Variants in CHL1 observed in about 807,000 individuals in gnomAD.
CHL1 encodes the protein neural cell adhesion molecule L1-like protein.
In CHL1, 96 loss-of-function variants were observed where a neutral mutation model predicts 141.9. The observed-to-expected ratio is 0.68, with a 90% CI of 0.57 to 0.80. CHL1 has a LOEUF of 0.80. Ranked by LOEUF, CHL1 falls within the 30% of genes least tolerant of loss-of-function variation. CHL1 has a pLI of 0.00. For synonymous variants in CHL1, 613 were observed against 502.2 expected, an observed-to-expected ratio of 1.22 and a Z score of -2.95; for missense variants, 1,820 against 1,457.2, an observed-to-expected ratio of 1.25 and a Z score of -4.05.
At chr3:339,283 T>C (rs1575108982) in intron 5 of CHL1, among the ~76,000 whole-genome samples, 1 of 152,332 alleles carries the variant, frequency 6.6e-6, no homozygotes, top group Admixed American at 6.5e-5. Context: ...ATGTTTTCCA[T>C]AGCATTTGAT....
chr3:298,608 G>C (rs1167195900), intron 2 of CHL1, among the ~76,000 whole-genome samples: 1 of 152,316 alleles, frequency 6.6e-6, no homozygotes, highest in East Asian at 1.9e-4. Flanking sequence ...GATAGGGACT[G>C]TCTCTAAATG....
chr3:385,639 A>C (rs760832422), intron 19 of CHL1: 2 of 152,170 alleles, frequency 1.3e-5, no homozygotes, highest in African/African-American at 4.8e-5. Context: ...ACCAGCCTGG[A>C]CAATATGGTG....
chr3:198,600 A>G (rs1698626644), intron 1 of CHL1, among the ~76,000 whole-genome samples: 1 of 152,222 alleles, frequency 6.6e-6, no homozygotes, highest in African/African-American at 2.4e-5. Context: ...CAAGACTGGA[A>G]TGAGATGATA....
chr3:231,169 C>T (rs530679888), intron 1 of CHL1, among the ~76,000 whole-genome samples: 1 of 152,222 alleles, frequency 6.6e-6, no homozygotes, highest in East Asian at 1.9e-4. Flanking sequence ...AAATATCTAC[C>T]TTTCAAATTC....
At chr3:380,272 C>T (rs1369279626) in intron 16 of CHL1, among the ~76,000 whole-genome samples, 1 of 152,192 alleles carries the variant, frequency 6.6e-6, no homozygotes, top group African/African-American at 2.4e-5. Context: ...AACATGTTCT[C>T]TCTTCTGAAT....
chr3:341,810 G>C, intron 6 of CHL1, 102 bp from the exon 7 acceptor site: 1 of 1,047,258 alleles, frequency 9.5e-7, no homozygotes, highest in Admixed American at 3.0e-5. Flanking sequence ...AGAGCAAACA[G>C]GAAAAACCAA....
intron 2 of CHL1, among the ~76,000 whole-genome samples, chr3:315,998 T>C (rs1468279895): frequency 2.0e-5 from 3 of 151,982 alleles, no homozygotes; most frequent in African/African-American, 4.8e-5. Flanking sequence ...GGTGTCTGAT[T>C]TATGCAGGGC....
At chr3:203,871 T>A (rs1699173891) in intron 1 of CHL1, among the ~76,000 whole-genome samples, 1 of 152,176 alleles carries the variant, frequency 6.6e-6, no homozygotes, top group Non-Finnish European at 1.5e-5. Context: ...AGAAAAGGGA[T>A]CTGAATCTGG....
chr3:266,438 G>T (rs947537693), intron 2 of CHL1, among the ~76,000 whole-genome samples: 2 of 152,146 alleles, frequency 1.3e-5, no homozygotes, highest in Admixed American at 6.5e-5. Context: ...TGCACAACAG[G>T]CATCATGTTC....
chr3:395,554 A>G (rs1708603023), intron 24 of CHL1, among the ~76,000 whole-genome samples: 1 of 152,228 alleles, frequency 6.6e-6, no homozygotes, highest in Non-Finnish European at 1.5e-5. Flanking sequence ...GGTCAGAGGA[A>G]CTGATGTACA....
chr3:297,375 T>C (rs332481), intron 2 of CHL1, among the ~76,000 whole-genome samples: 79,865 of 151,992 alleles, frequency 0.53, 22,087 homozygotes, highest in South Asian at 0.71. Flanking sequence ...GCTATTATTA[T>C]TGGTATTATT....
intron 2 of CHL1, among the ~76,000 whole-genome samples, chr3:245,186 G>C (rs771925188): frequency 2.8e-4 from 43 of 152,040 alleles, no homozygotes; most frequent in Non-Finnish European, 6.0e-4. Flanking sequence ...AATCTGACCT[G>C]AATCCTTGAT....
intron 2 of CHL1, among the ~76,000 whole-genome samples, chr3:282,107 T>C (rs1696714030): frequency 6.6e-6 from 1 of 152,222 alleles, no homozygotes; most frequent in African/African-American, 2.4e-5. Flanking sequence ...AAATATTGTC[T>C]GGCATGCCAT....
intron 5 of CHL1, 50 bp from the exon 6 acceptor site, chr3:340,744 T>C: frequency 7.1e-7 from 1 of 1,414,450 alleles, no homozygotes; most frequent in Non-Finnish European, 9.8e-7. Flanking sequence ...TTTGTTGTTA[T>C]AGTCAAAGTT....
chr3:286,470 G>C (rs1486339953), intron 2 of CHL1, among the ~76,000 whole-genome samples: 1 of 151,958 alleles, frequency 6.6e-6, no homozygotes, highest in East Asian at 1.9e-4. Flanking sequence ...AATTAGCCAG[G>C]CATGGTGACG....
chr3:300,490 T>G (rs1370321016), intron 2 of CHL1, among the ~76,000 whole-genome samples: 1 of 152,196 alleles, frequency 6.6e-6, no homozygotes, highest in African/African-American at 2.4e-5. Context: ...ACAATGTGGT[T>G]AAGCTATAAT....
chr3:364,737 T>G (rs1289273411), intron 14 of CHL1, among the ~76,000 whole-genome samples: 1 of 152,152 alleles, frequency 6.6e-6, no homozygotes, highest in African/African-American at 2.4e-5. Context: ...TCAGGCAGAT[T>G]TGGGTTCAAA....
In CHL1 at chr3:288,556, C is replaced by A. The variant is rs531175599; in HGVS notation, c.-94-31127C>A. On this transcript the variant is annotated intron_variant, in intron 2 of 27. Coordinates refer to ENST00000256509, the MANE Select transcript of CHL1 (RefSeq NM_006614.4). ...TCTGTTGCATTGCCACAGATCCTATCATGATCCCTGGGCTGCTGTTTCACA... is the reference window on the plus strand; with the variant it reads ...TCTGTTGCATTGCCACAGATCCTATAATGATCCCTGGGCTGCTGTTTCACA... Among the ~76,000 whole-genome samples the A allele has an allele frequency of 7.0e-4, 106 of 152,258 alleles. 2 individuals carry two copies. The highest frequency in any genetic ancestry group is 2.4e-3 in the African/African-American group (101 of 41,500).
intron 2 of CHL1, among the ~76,000 whole-genome samples, chr3:266,290 G>C (rs889151592): frequency 6.6e-6 from 1 of 152,088 alleles, no homozygotes; most frequent in African/African-American, 2.4e-5. Context: ...CTCTGATGGG[G>C]ACCTGCAGTG....
Sources: allele counts gnomAD v4.1 joint callset (sites outside exome capture counted in the v4.1 genomes callset), GRCh38; gene constraint gnomAD v4.1.1; transcripts MANE v1.5; gene names NCBI Gene and HGNC (gene_info 2026-07-23, HGNC 2026-07-21).